The following RASA3 variants were observed in gnomAD, a reference collection of about 807,000 sequenced individuals.
RASA3 encodes the protein RAS p21 protein activator 3, also known as ras GTPase-activating protein 3.
In RASA3, 73 loss-of-function variants were observed where a neutral mutation model predicts 110.0. The observed-to-expected ratio is 0.66, with a 90% CI of 0.55 to 0.81. The LOEUF is 0.81. Ranked by LOEUF, RASA3 falls within the 30% of genes least tolerant of loss-of-function variation. The probability of loss-of-function intolerance (pLI) is 0.00; values close to 1 mark genes in which losing one functional copy is unlikely to be tolerated. For missense variants in RASA3, 976 were observed against 1,113.2 expected, an observed-to-expected ratio of 0.88 and a Z score of 1.75; for synonymous variants, 500 against 451.4, an observed-to-expected ratio of 1.11 and a Z score of -1.37.
intron 2 of RASA3, among the ~76,000 whole-genome samples, chr13:114,073,271 T>C (rs9525379): frequency 0.65 from 73,267 of 112,476 alleles, 22,112 homozygotes; most frequent in African/African-American, 0.83. Flanking sequence ...GGGACGGTGA[T>C]GTACACGCTC....
At chr13:114,004,790 G>A (rs978406214) in intron 18 of RASA3, among the ~76,000 whole-genome samples, 1 of 152,166 alleles carries the variant, frequency 6.6e-6, no homozygotes, top group Non-Finnish European at 1.5e-5. Flanking sequence ...CCCACCCAAA[G>A]GAAGAGCAAT....
chr13:114,020,307 G>C (rs555965331), intron 9 of RASA3, among the ~76,000 whole-genome samples: 1 of 151,866 alleles, frequency 6.6e-6, no homozygotes, highest in Non-Finnish European at 1.5e-5. Flanking sequence ...GGCATTAGCC[G>C]CCCCCCATCG....
In RASA3 at chr13:114,037,475, T is replaced by A. The variant is rs1281733114; in HGVS notation, c.372+3525A>T. On this transcript the variant is annotated intron_variant, in intron 4 of 23. Transcript: ENST00000334062. The stretch of plus-strand genomic sequence containing the variant: ...GGCCTGCGTCAGAGACAGAGTGCCA[T>A]GGGGCTGCCGGTGGGGAAGGGGCGG... 2.0e-5 allele frequency among the ~76,000 whole-genome samples: 3 copies of A among 152,048 alleles called. No homozygotes were observed. The South Asian group carries it at 6.2e-4, about 32-fold the overall frequency.
At position 114,112,772 on chromosome 13, in the gene RASA3, C is replaced by G. The variant is rs2080235782; in HGVS notation, c.55+19663G>C. ...CCAGCGTCCACTCCCCGTGGGGCCGCAGGGTACACCAACATCTGAGGCAGA... is the reference window on the plus strand; with the variant it reads ...CCAGCGTCCACTCCCCGTGGGGCCGGAGGGTACACCAACATCTGAGGCAGA... On this transcript the variant is annotated intron_variant, in intron 1 of 23. Coordinates refer to ENST00000334062, the MANE Select transcript of RASA3 (RefSeq NM_007368.4). The surrounding 1 kb of genome is among the most constrained non-coding windows in gnomAD (Gnocchi z 4.8). Among the ~76,000 whole-genome samples the G allele has an allele frequency of 6.6e-6, 1 of 152,062 alleles. No individual in the cohort carries two copies. The highest frequency in any genetic ancestry group is 2.4e-5 in the African/African-American group (1 of 41,408).
rs146132031 is a variant in RASA3, at chr13:114,094,203, T to C, written c.56-20366A>G. 9.6e-4 allele frequency among the ~76,000 whole-genome samples: 147 copies of C among 152,338 alleles called. 1 individual carries two copies. The East Asian group carries it at 0.02, about 20-fold the overall frequency. ...AGAATTCTTGTTGTTGTGGGAAATA[T>C]GAGCAGGTTACCTTCAATTCCACCA... On this transcript the variant is annotated intron_variant, in intron 1 of 23. Transcript: ENST00000334062.
chr13:114,098,041 G>A (rs944804542), intron 1 of RASA3, among the ~76,000 whole-genome samples: 2 of 152,182 alleles, frequency 1.3e-5, no homozygotes, highest in African/African-American at 2.4e-5. Context: ...AGCTGAGCAC[G>A]CCGAGGGGCT....
At chr13:114,012,703 T>C (rs1594319124) in intron 15 of RASA3, among the ~76,000 whole-genome samples, 1 of 84,046 alleles carries the variant, frequency 1.2e-5, no homozygotes, top group African/African-American at 4.9e-5. Context: ...ACACTCCTCA[T>C]TCCACACACA....
chr13:114,128,069 G>A (rs957011258), intron 1 of RASA3, among the ~76,000 whole-genome samples: 8 of 152,298 alleles, frequency 5.3e-5, no homozygotes, highest in East Asian at 3.9e-4. Context: ...CTGCACCTTC[G>A]TCCTCAGGGG....
At chr13:114,070,993 AAC>A (rs1268100130) in intron 2 of RASA3, among the ~76,000 whole-genome samples, 3 of 144,446 alleles carry the variant, frequency 2.1e-5, no homozygotes, top group African/African-American at 7.9e-5. Flanking sequence ...GTCCACGCTA[AAC>A]GGCGCCACAG....
In RASA3 at chr13:114,096,305, C is replaced by T. The variant is rs867132913; in HGVS notation, c.56-22468G>A. Reference sequence around the variant, plus strand: ...AGGATCGGGTCTGAGAGCTGCTCACCGACCCATGCCTCCTCTAGCAAATCG... The same window carrying T: ...AGGATCGGGTCTGAGAGCTGCTCACTGACCCATGCCTCCTCTAGCAAATCG... On this transcript the variant is annotated intron_variant, in intron 1 of 23. Transcript: ENST00000334062. This position sits in a 1 kb window ranked among gnomAD's most constrained non-coding sequence, Gnocchi z 5.1. 3.3e-5 allele frequency among the ~76,000 whole-genome samples: 5 copies of T among 152,148 alleles called. No homozygotes were observed. The highest frequency in any genetic ancestry group is 1.9e-4 in the East Asian group (1 of 5,192).
chr13:114,070,898 G>A (rs1346225010), intron 2 of RASA3, among the ~76,000 whole-genome samples: 18 of 133,060 alleles, frequency 1.4e-4, no homozygotes, highest in African/African-American at 5.2e-4. Context: ...CACGCTAAAC[G>A]GCGCCACAGT....
At chr13:114,038,803 G>A (rs1234119421) in intron 4 of RASA3, among the ~76,000 whole-genome samples, 1 of 152,198 alleles carries the variant, frequency 6.6e-6, no homozygotes, top group East Asian at 1.9e-4. Flanking sequence ...GTTCCCAGAG[G>A]ACACCAGGCC....
In RASA3 at chr13:114,056,837, A is replaced by G. The variant is rs1194926874; in HGVS notation, c.174-4682T>C. Among the ~76,000 whole-genome samples, 1 of 152,198 alleles carries G rather than the reference A, an allele frequency of 6.6e-6. No individual in the cohort carries two copies. Among genetic ancestry groups the G allele is most frequent in the African/African-American group, 2.4e-5 (1 of 41,446 alleles). Reference sequence around the variant, plus strand: ...TAAAAGCGGTTTATAGCAACACAGCATGGCCCTGCTGCACTACCCCTGGGG... The same window carrying G: ...TAAAAGCGGTTTATAGCAACACAGCGTGGCCCTGCTGCACTACCCCTGGGG... On this transcript the variant is annotated intron_variant, in intron 2 of 23. Transcript: ENST00000334062. The surrounding 1 kb of genome is among the most constrained non-coding windows in gnomAD (Gnocchi z 5.7).
intron 2 of RASA3, among the ~76,000 whole-genome samples, chr13:114,064,035 T>C (rs1428674294): frequency 1.3e-5 from 2 of 152,238 alleles, no homozygotes; most frequent in Non-Finnish European, 2.9e-5. Context: ...AACTTCTGAA[T>C]GTGTGTTGCA....
At chr13:114,032,694 C>T (rs1292406981) in intron 4 of RASA3, among the ~76,000 whole-genome samples, 1 of 147,548 alleles carries the variant, frequency 6.8e-6, no homozygotes, top group Admixed American at 6.7e-5. Flanking sequence ...CACCCCCACA[C>T]TGACAACACG....
intron 1 of RASA3, among the ~76,000 whole-genome samples, chr13:114,097,472 G>A (rs1379663126): frequency 2.6e-5 from 4 of 152,236 alleles, no homozygotes; most frequent in African/African-American, 9.6e-5. Context: ...ACGTCACAGC[G>A]AAGAGGCAGG....
intron 1 of RASA3, among the ~76,000 whole-genome samples, chr13:114,091,209 G>A (rs2079886396): frequency 6.6e-6 from 1 of 151,904 alleles, no homozygotes; most frequent in Admixed American, 6.6e-5. Context: ...AGGGTCTGGG[G>A]CCACATGGGT....
At chr13:114,051,481 A>G (rs1444981038) in intron 3 of RASA3, among the ~76,000 whole-genome samples, 2 of 152,162 alleles carry the variant, frequency 1.3e-5, no homozygotes, top group African/African-American at 2.4e-5. Context: ...AGGCCCCACA[A>G]CTTACAGGAT....
In RASA3 at chr13:114,096,563, T is replaced by C. The variant is rs1460937777; in HGVS notation, c.56-22726A>G. ...ACTCACCCTCCTCCGTGATTCAAAC[T>C]GTTCCAGCCTGGAATAACCCGATTG... On this transcript the variant is annotated intron_variant, in intron 1 of 23. Transcript: ENST00000334062. The surrounding 1 kb of genome is among the most constrained non-coding windows in gnomAD (Gnocchi z 5.1). Among the ~76,000 whole-genome samples the C allele has an allele frequency of 6.6e-6, 1 of 152,150 alleles. No homozygotes were observed. Among genetic ancestry groups the C allele is most frequent in the Non-Finnish European group, 1.5e-5 (1 of 68,022 alleles).
Sources: allele counts gnomAD v4.1 joint callset (sites outside exome capture counted in the v4.1 genomes callset), GRCh38; gene constraint gnomAD v4.1.1; non-coding constraint Gnocchi (gnomAD v3.1); transcripts MANE v1.5; gene names NCBI Gene and HGNC (gene_info 2026-07-23, HGNC 2026-07-21).